Variants in COL22A1 observed in about 807,000 individuals in gnomAD.
COL22A1 encodes collagen alpha-1(XXII) chain.
A neutral mutation model predicts 248.9 loss-of-function variants in COL22A1; 221 were observed. The observed-to-expected ratio is 0.89, with a 90% CI of 0.80 to 0.99. COL22A1 has a LOEUF of 0.99. Ranked by LOEUF, COL22A1 falls within the 50% of genes least tolerant of loss-of-function variation. COL22A1 has a pLI of 0.00. For synonymous variants in COL22A1, 891 were observed against 793.4 expected, an observed-to-expected ratio of 1.12 and a Z score of -2.07; for missense variants, 2,240 against 2,179.0, an observed-to-expected ratio of 1.03 and a Z score of -0.56.
At chr8:138,793,599 T>G (rs1816250932) in intron 12 of COL22A1, among the ~76,000 whole-genome samples, 1 of 152,236 alleles carries the variant, frequency 6.6e-6, no homozygotes, top group Non-Finnish European at 1.5e-5. Flanking sequence ...CAGCCAGAAG[T>G]GCCAGCGTCC....
chr8:138,692,264 GCA>G (rs1297507497), intron 35 of COL22A1, among the ~76,000 whole-genome samples: 109 of 51,594 alleles, frequency 2.1e-3, no homozygotes, highest in South Asian at 3.8e-3. Flanking sequence ...GTGCGTGTGT[GCA>G]TGTTTGTGTG....
At chr8:138,703,774 C>T (rs921934478) in intron 30 of COL22A1, among the ~76,000 whole-genome samples, 1 of 152,050 alleles carries the variant, frequency 6.6e-6, no homozygotes, top group African/African-American at 2.4e-5. Context: ...CTCACTGGGG[C>T]TTTTTGGACA....
chr8:138,621,759 A>G (rs1819821141), intron 52 of COL22A1, among the ~76,000 whole-genome samples: 1 of 152,150 alleles, frequency 6.6e-6, no homozygotes, highest in African/African-American at 2.4e-5. Flanking sequence ...ACTACAGTGG[A>G]AAAATGTAAT....
chr8:138,681,332 C>T (rs1825947980), intron 39 of COL22A1, among the ~76,000 whole-genome samples: 1 of 152,152 alleles, frequency 6.6e-6, no homozygotes, highest in African/African-American at 2.4e-5. Flanking sequence ...CACTCTGAGC[C>T]TACCCATCAG....
chr8:138,720,422 C>T (rs901340578), intron 27 of COL22A1, among the ~76,000 whole-genome samples: 1 of 151,968 alleles, frequency 6.6e-6, no homozygotes, highest in Non-Finnish European at 1.5e-5. Context: ...CCACGGCTCT[C>T]AAGGGGGTGG....
At chr8:138,858,446 TCA>T (rs1194045395) in intron 3 of COL22A1, among the ~76,000 whole-genome samples, 3 of 152,070 alleles carry the variant, frequency 2.0e-5, no homozygotes, top group African/African-American at 7.3e-5. Flanking sequence ...AGTGGTGCAA[TCA>T]CAGCTCACTG....
rs755923566 is a variant in COL22A1, at chr8:138,630,788, T to C, written c.3610-40A>G. 4 of 1,570,178 alleles carry C rather than the reference T, an allele frequency of 2.5e-6. No individual in the cohort carries two copies. In the East Asian group the frequency reaches 9.0e-5, roughly 35 times the overall value. On this transcript the variant is annotated intron_variant, in intron 49 of 64. Transcript: ENST00000303045. ...GCAGAAAGCTAGTTTCTTGTGCATC[T>C]AGACAGAGGTCATTAGCACCCTCTG... is the stretch of plus-strand genomic sequence containing the variant.
At chr8:138,776,898 A>G (rs1814514308) in intron 15 of COL22A1, among the ~76,000 whole-genome samples, 1 of 152,218 alleles carries the variant, frequency 6.6e-6, no homozygotes. Flanking sequence ...TTGTGTCGGA[A>G]GGCTACTGCC....
intron 59 of COL22A1, among the ~76,000 whole-genome samples, chr8:138,602,717 G>C (rs889590256): frequency 2.6e-5 from 4 of 152,186 alleles, no homozygotes; most frequent in African/African-American, 9.7e-5. Flanking sequence ...CTCCCTTCTG[G>C]AGGGCAGTCA....
intron 18 of COL22A1, among the ~76,000 whole-genome samples, chr8:138,757,533 C>T (rs1264743261): frequency 6.6e-6 from 1 of 152,124 alleles, no homozygotes; most frequent in Non-Finnish European, 1.5e-5. Context: ...TTTAATTACT[C>T]TCAACTCACC....
At chr8:138,642,993 C>T (rs180705120) in intron 47 of COL22A1, among the ~76,000 whole-genome samples, 42 of 150,438 alleles carry the variant, frequency 2.8e-4, no homozygotes, top group African/African-American at 9.1e-4. Flanking sequence ...TGCACCACTG[C>T]GCTCCAGCCT....
At chr8:138,644,878 C>A (rs1451088438) in intron 47 of COL22A1, among the ~76,000 whole-genome samples, 1 of 152,118 alleles carries the variant, frequency 6.6e-6, no homozygotes, top group African/African-American at 2.4e-5. Context: ...GCTATGCTTC[C>A]CAGCCTGTGG....
intron 6 of COL22A1, chr8:138,825,933 C>G (rs1021434895): frequency 7.2e-5 from 11 of 152,192 alleles, no homozygotes; most frequent in Non-Finnish European, 1.2e-4. Context: ...GTGTTGATGG[C>G]TTTGAATTTC....
intron 14 of COL22A1, among the ~76,000 whole-genome samples, chr8:138,779,261 A>G (rs1402242352): frequency 3.9e-5 from 6 of 152,252 alleles, no homozygotes; most frequent in Non-Finnish European, 7.3e-5. Context: ...TGTGGGGCCC[A>G]TCTGTATTTA....
chr8:138,842,016 G>T (rs1820921321), intron 4 of COL22A1, among the ~76,000 whole-genome samples: 2 of 152,304 alleles, frequency 1.3e-5, no homozygotes, highest in South Asian at 4.1e-4. Flanking sequence ...TGTTGAATCA[G>T]TTACCTAGAA....
At chr8:138,657,022 T>C (rs1374532034) in intron 44 of COL22A1, among the ~76,000 whole-genome samples, 1 of 152,200 alleles carries the variant, frequency 6.6e-6, no homozygotes, top group African/African-American at 2.4e-5. Flanking sequence ...ACTGCTGCAG[T>C]GGCCTGAAAC....
At chr8:138,615,935 G>A (rs1357269334) in intron 55 of COL22A1, 66 bp downstream of exon 55, 7 of 1,182,070 alleles carry the variant, frequency 5.9e-6, no homozygotes, top group Non-Finnish European at 7.6e-6. Flanking sequence ...CAGTTTCTGG[G>A]TGTCACTTCC....
chr8:138,784,720 T>G (rs1815359285), intron 12 of COL22A1, among the ~76,000 whole-genome samples: 1 of 152,150 alleles, frequency 6.6e-6, no homozygotes, highest in Non-Finnish European at 1.5e-5. Flanking sequence ...GCACTTTACA[T>G]CCATCACTGC....
intron 5 of COL22A1, 119 bp downstream of exon 5, chr8:138,832,920 A>G: frequency 1.5e-6 from 1 of 652,456 alleles, no homozygotes; most frequent in South Asian, 1.9e-5. Context: ...GCAACCTTAC[A>G]AGGCACTGAG....
Sources: allele counts gnomAD v4.1 joint callset (sites outside exome capture counted in the v4.1 genomes callset), GRCh38; gene constraint gnomAD v4.1.1; transcripts MANE v1.5; gene names NCBI Gene and HGNC (gene_info 2026-07-23, HGNC 2026-07-21).